Variants in ADORA2B observed in about 807,000 individuals in gnomAD.
The protein encoded by ADORA2B is adenosine receptor A2b.
ADORA2B carries 18 observed loss-of-function variants against 20.8 expected under a neutral mutation model. The observed-to-expected ratio is 0.87, with a 90% CI of 0.60 to 1.29. The LOEUF (loss-of-function observed/expected upper bound fraction) is 1.29. Ranked by LOEUF, ADORA2B falls within the 50% of genes most tolerant of loss-of-function variation. The pLI is 0.00. For synonymous variants in ADORA2B, 179 were observed against 178.3 expected (o/e 1.00, Z -0.03); for missense variants, 441 against 422.7 (o/e 1.04, Z -0.38).
chr17:15,879,836 C>G, the ADORA2B span, among the ~76,000 whole-genome samples: 1 of 148,570 alleles, frequency 6.7e-6, no homozygotes, highest in Non-Finnish European at 1.5e-5. Context: ...CGCACCCGGC[C>G]AAAGATGTTT....
Position 15,975,033 on chromosome 17 carries a change from C to T in ADORA2B, c.690C>T (p.Ile230=). 1.2e-6 allele frequency: 2 copies of T among 1,614,166 alleles called. No homozygotes were observed. Among genetic ancestry groups the T allele is most frequent in the South Asian group, 2.2e-5 (2 of 91,078 alleles). ...CGAGGACCACCCTCCAGCGGGAGAT[C>T]CATGCAGCCAAGTCACTGGCCATGA... ...DHSRTTLQRE[I]HAAKSLAMIV... Residue 230 remains isoleucine (I), a synonymous_variant, in exon 2 of 2, where the codon ATC becomes ATT. Transcript: ENST00000304222.
chr17:15,947,210 T>G (rs1197365515), intron 1 of ADORA2B, among the ~76,000 whole-genome samples: 1 of 152,122 alleles, frequency 6.6e-6, no homozygotes, highest in East Asian at 1.9e-4. Flanking sequence ...TTCCCTGCCT[T>G]TTGGTGTCAT....
the ADORA2B span, among the ~76,000 whole-genome samples, chr17:15,909,519 T>C: frequency 1.3e-5 from 2 of 152,140 alleles, no homozygotes; most frequent in African/African-American, 4.8e-5. Flanking sequence ...GCCACCATAG[T>C]CTGTGTGCTC....
At chr17:15,877,550 A>T in the ADORA2B span, among the ~76,000 whole-genome samples, 1 of 151,982 alleles carries the variant, frequency 6.6e-6, no homozygotes, top group South Asian at 2.1e-4. Flanking sequence ...GGCAGCCAGG[A>T]TTATGGGATC....
the ADORA2B span, among the ~76,000 whole-genome samples, chr17:15,922,005 A>G: frequency 1.4e-4 from 22 of 152,332 alleles, no homozygotes; most frequent in Admixed American, 7.2e-4. Context: ...CTGTTACAAA[A>G]AGGAAGGATG....
the ADORA2B span, among the ~76,000 whole-genome samples, chr17:15,918,660 TG>T: frequency 6.6e-6 from 1 of 151,988 alleles, no homozygotes; most frequent in African/African-American, 2.4e-5. Context: ...TTAGTAGATA[TG>T]GGGTTTCACC....
At chr17:15,855,760 A>C in the ADORA2B span, among the ~76,000 whole-genome samples, 3,935 of 152,150 alleles carry the variant, frequency 0.026, 160 homozygotes, top group African/African-American at 0.089. Flanking sequence ...ATATTGTGGG[A>C]TGCTGAGGTT....
chr17:15,900,269 T>C, the ADORA2B span, among the ~76,000 whole-genome samples: 42 of 152,276 alleles, frequency 2.8e-4, 1 homozygote, highest in African/African-American at 9.9e-4. Flanking sequence ...GTTGGATATA[T>C]ACCCAGTAAT....
At chr17:15,922,087 T>G in the ADORA2B span, among the ~76,000 whole-genome samples, 2 of 152,208 alleles carry the variant, frequency 1.3e-5, no homozygotes, top group Non-Finnish European at 2.9e-5. Context: ...TCTGAATAGA[T>G]TCAAACATTT....
intron 1 of ADORA2B, among the ~76,000 whole-genome samples, chr17:15,953,514 G>A (rs1969931852): frequency 1.3e-5 from 2 of 152,222 alleles, no homozygotes. Flanking sequence ...TCTTGAAGCA[G>A]AATCTGTTGA....
At chr17:15,856,015 G>C in the ADORA2B span, among the ~76,000 whole-genome samples, 1 of 151,978 alleles carries the variant, frequency 6.6e-6, no homozygotes, top group Non-Finnish European at 1.5e-5. Flanking sequence ...GACTACTTTA[G>C]ATTCTTCACT....
chr17:15,953,549 C>T lies in ADORA2B; in HGVS notation c.335+7966C>T, dbSNP rs376942891. Among the ~76,000 whole-genome samples the T allele has an allele frequency of 7.9e-5, 12 of 152,304 alleles. No individual in the cohort carries two copies. In the East Asian group the frequency reaches 1.9e-3, roughly 25 times the overall value. ...ACTCCCCACTGTGAACCGCCAGGCC[C>T]GTGGCTCATGCCAGCCTTCTCCCCT... is the stretch of plus-strand genomic sequence containing the variant. On this transcript the variant is annotated intron_variant, in intron 1 of 1. Transcript: ENST00000304222.
At chr17:15,950,998 G>A (rs964413505) in intron 1 of ADORA2B, among the ~76,000 whole-genome samples, 1 of 152,196 alleles carries the variant, frequency 6.6e-6, no homozygotes, top group African/African-American at 2.4e-5. Flanking sequence ...GCAGCGCGAT[G>A]CCGGCACAGG....
chr17:15,888,815 C>CATAT, the ADORA2B span, among the ~76,000 whole-genome samples: 498 of 15,716 alleles, frequency 0.032, 25 homozygotes, highest in Middle Eastern at 0.05. Flanking sequence ...TATGTGATGC[C>CATAT]ATATATATAT....
At chr17:15,939,962 C>A in the ADORA2B span, among the ~76,000 whole-genome samples, 1 of 150,760 alleles carries the variant, frequency 6.6e-6, no homozygotes, top group Admixed American at 6.6e-5. Flanking sequence ...GGAATGAATA[C>A]TCTTTAATGT....
chr17:15,921,308 T>C, the ADORA2B span, among the ~76,000 whole-genome samples: 1 of 152,256 alleles, frequency 6.6e-6, no homozygotes, highest in Non-Finnish European at 1.5e-5. Flanking sequence ...CAGCCTGTTC[T>C]TCTGCAGCAG....
At chr17:15,941,252 C>T (rs1333725582), upstream of ADORA2B, among the ~76,000 whole-genome samples, 1 of 152,208 alleles carries the variant, frequency 6.6e-6, no homozygotes, top group Admixed American at 6.5e-5. Flanking sequence ...TGGCAGATGG[C>T]TCCTCCTGCC....
chr17:15,892,092 C>T, the ADORA2B span, among the ~76,000 whole-genome samples: 2 of 151,054 alleles, frequency 1.3e-5, no homozygotes, highest in Admixed American at 6.6e-5. Context: ...AACTCTTGAC[C>T]TCAGGTGATC....
chr17:15,874,845 T>C, the ADORA2B span, among the ~76,000 whole-genome samples: 1 of 152,180 alleles, frequency 6.6e-6, no homozygotes, highest in African/African-American at 2.4e-5. Context: ...TCCATTTTAA[T>C]ATATATTCTC....
Sources: allele counts gnomAD v4.1 joint callset (sites outside exome capture counted in the v4.1 genomes callset), GRCh38; gene constraint gnomAD v4.1.1; transcripts MANE v1.5; gene names NCBI Gene and HGNC (gene_info 2026-07-23, HGNC 2026-07-21).